KCNMA1: variants seen among roughly 807,000 people sequenced by gnomAD.
The protein encoded by KCNMA1 is Calcium-activated potassium channel subunit alpha-1.
In KCNMA1, 29 loss-of-function variants were observed where a neutral mutation model predicts 140.0. The ratio of observed to expected loss-of-function variants is 0.21; its 90% CI spans 0.15 to 0.28. The LOEUF is 0.28. Among genes scored for constraint, KCNMA1 ranks in the 10% least tolerant of loss-of-function variants. The pLI, the probability that KCNMA1 is intolerant of heterozygous loss-of-function variation, is 1.00. For synonymous variants in KCNMA1, 612 were observed against 611.9 expected, an observed-to-expected ratio of 1.00 and a Z score of 0.00; for missense variants, 880 against 1,602.2, an observed-to-expected ratio of 0.55 and a Z score of 7.70.
At chr10:77,130,264 G>C (rs1288026892) in intron 5 of KCNMA1, among the ~76,000 whole-genome samples, 1 of 152,060 alleles carries the variant, frequency 6.6e-6, no homozygotes, top group African/African-American at 2.4e-5. Flanking sequence ...TTTCAGTACA[G>C]TATTCAATAC....
At chr10:77,459,904 G>A (rs541766686) in intron 1 of KCNMA1, among the ~76,000 whole-genome samples, 9 of 152,136 alleles carry the variant, frequency 5.9e-5, no homozygotes, top group Non-Finnish European at 1.2e-4. Flanking sequence ...TTTCCAATAT[G>A]GTTGTCAAGA....
At chr10:77,455,404 C>T (rs2097744367) in intron 1 of KCNMA1, among the ~76,000 whole-genome samples, 1 of 152,194 alleles carries the variant, frequency 6.6e-6, no homozygotes, top group South Asian at 2.1e-4. Flanking sequence ...ATGAGTGGGA[C>T]TGTACCCTGC....
At chr10:76,881,712 A>G (rs1052882403), downstream of KCNMA1, among the ~76,000 whole-genome samples, 1 of 152,200 alleles carries the variant, frequency 6.6e-6, no homozygotes, top group African/African-American at 2.4e-5. Context: ...ATGTGATGAC[A>G]AATGATGCCC....
chr10:76,912,734 C>T (rs2050880970), intron 24 of KCNMA1: 1 of 152,112 alleles, frequency 6.6e-6, no homozygotes, highest in Admixed American at 6.6e-5. Flanking sequence ...ACGTGAATTC[C>T]AAATAGAAAA....
At chr10:77,027,258 G>A (rs2093545606) in intron 16 of KCNMA1, among the ~76,000 whole-genome samples, 1 of 152,152 alleles carries the variant, frequency 6.6e-6, no homozygotes, top group Non-Finnish European at 1.5e-5. Flanking sequence ...ATAATTAAGT[G>A]TAAAATAAAT....
At chr10:76,992,296 A>G (rs1041986563) in intron 19 of KCNMA1, among the ~76,000 whole-genome samples, 4 of 152,184 alleles carry the variant, frequency 2.6e-5, no homozygotes, top group African/African-American at 9.7e-5. Context: ...CAGAATAAAA[A>G]TCTGTGGGCA....
chr10:77,606,423 G>A (rs2084538518), intron 1 of KCNMA1, among the ~76,000 whole-genome samples: 1 of 152,096 alleles, frequency 6.6e-6, no homozygotes. Context: ...CTTGAGGCTG[G>A]GAGTTCAAGA....
intron 20 of KCNMA1, among the ~76,000 whole-genome samples, chr10:76,964,929 C>CT (rs1565230860): frequency 6.6e-6 from 1 of 152,158 alleles, no homozygotes; most frequent in Non-Finnish European, 1.5e-5. Context: ...TGTTCAATTT[C>CT]TTTTTTCTGG....
chr10:77,085,589 GT>G (rs896088886), intron 11 of KCNMA1, among the ~76,000 whole-genome samples: 1 of 152,132 alleles, frequency 6.6e-6, no homozygotes, highest in African/African-American at 2.4e-5. Context: ...TACTTGGTAT[GT>G]TATACTTAAT....
intron 5 of KCNMA1, among the ~76,000 whole-genome samples, chr10:77,173,505 T>C (rs1471674736): frequency 2.0e-5 from 3 of 152,140 alleles, no homozygotes; most frequent in South Asian, 4.1e-4. Flanking sequence ...TACACATACA[T>C]ACATATATAT....
chr10:77,467,866 T>C (rs1567003734), intron 1 of KCNMA1, among the ~76,000 whole-genome samples: 1 of 152,260 alleles, frequency 6.6e-6, no homozygotes, highest in African/African-American at 2.4e-5. Flanking sequence ...AAATATGGCA[T>C]TGATCATCTG....
chr10:77,440,326 A>G (rs1344035311), intron 1 of KCNMA1, among the ~76,000 whole-genome samples: 15 of 152,200 alleles, frequency 9.9e-5, no homozygotes. Context: ...TTTTATCCAC[A>G]TTCTATAGGT....
chr10:77,316,149 C>G (rs2080823179), intron 2 of KCNMA1, among the ~76,000 whole-genome samples: 1 of 152,092 alleles, frequency 6.6e-6, no homozygotes. Flanking sequence ...CCAAATTTTC[C>G]AAGTCCACGT....
At chr10:77,146,881 CCTCT>C (rs879435643) in intron 5 of KCNMA1, among the ~76,000 whole-genome samples, 1 of 151,912 alleles carries the variant, frequency 6.6e-6, no homozygotes, top group Non-Finnish European at 1.5e-5. Context: ...CTGCACTTGG[CCTCT>C]CTCTCTCGGG....
At chr10:77,305,873 T>C (rs2077579655) in intron 2 of KCNMA1, among the ~76,000 whole-genome samples, 1 of 152,188 alleles carries the variant, frequency 6.6e-6, no homozygotes, top group Non-Finnish European at 1.5e-5. Context: ...TTACAATCTA[T>C]AAAGCAGCCC....
At chr10:77,136,564 TTTTTAAAAATAGCAAA>T (rs2098034908) in intron 5 of KCNMA1, among the ~76,000 whole-genome samples, 2 of 145,196 alleles carry the variant, frequency 1.4e-5, no homozygotes, top group South Asian at 4.5e-4. Context: ...TCACCACAAT[TTTTTAAAAATAGCAAA>T]TTGGAAATGC....
intron 20 of KCNMA1, among the ~76,000 whole-genome samples, chr10:76,954,511 C>G (rs984264344): frequency 6.6e-6 from 1 of 152,220 alleles, no homozygotes; most frequent in Admixed American, 6.5e-5. Flanking sequence ...TCAGATTTTG[C>G]TCTCCCTGGC....
chr10:77,081,010 C>T (rs1336266399), intron 12 of KCNMA1, among the ~76,000 whole-genome samples: 2 of 152,100 alleles, frequency 1.3e-5, no homozygotes, highest in East Asian at 3.9e-4. Flanking sequence ...TTGCGGGGGT[C>T]ATGATCTGGT....
At chr10:77,447,865 C>T (rs1165339925) in intron 1 of KCNMA1, among the ~76,000 whole-genome samples, 1 of 152,236 alleles carries the variant, frequency 6.6e-6, no homozygotes, top group East Asian at 1.9e-4. Flanking sequence ...GATGGCATGA[C>T]ACCACTGTAA....
Sources: allele counts gnomAD v4.1 joint callset (sites outside exome capture counted in the v4.1 genomes callset), GRCh38; gene constraint gnomAD v4.1.1; transcripts MANE v1.5; gene names NCBI Gene and HGNC (gene_info 2026-07-23, HGNC 2026-07-21).